Variants in STAM observed in about 807,000 individuals in gnomAD.
STAM encodes the protein signal transducing adaptor molecule.
Under a neutral mutation model 63.4 loss-of-function variants are expected in STAM, and 16 were observed. That is an observed-to-expected ratio of 0.25 (90% CI 0.17 to 0.38). STAM has a LOEUF of 0.38. STAM is among the 10% of genes least tolerant of loss of function. STAM has a pLI of 1.00. For synonymous variants in STAM, 238 were observed against 223.9 expected (o/e 1.06, Z -0.56); for missense variants, 636 against 657.1 (o/e 0.97, Z 0.35).
At chr10:17,672,019 T>G (rs527977276) in intron 2 of STAM, among the ~76,000 whole-genome samples, 1 of 152,328 alleles carries the variant, frequency 6.6e-6, no homozygotes, top group East Asian at 1.9e-4. Context: ...AAAAGTACTT[T>G]TCAACTGAGA....
chr10:17,703,217 TTTC>T (rs1836095647), intron 9 of STAM, among the ~76,000 whole-genome samples: 1 of 152,110 alleles, frequency 6.6e-6, no homozygotes, highest in Admixed American at 6.5e-5. Flanking sequence ...GTAGGCAAAC[TTTC>T]TTGACATGTG....
intron 2 of STAM, among the ~76,000 whole-genome samples, chr10:17,678,420 GT>G (rs1554824896): frequency 6.6e-6 from 1 of 151,908 alleles, no homozygotes; most frequent in Non-Finnish European, 1.5e-5. Flanking sequence ...GCCTGGCTAA[GT>G]TTTTGTATTT....
At chr10:17,682,583 GTTTAA>G in intron 2 of STAM, among the ~76,000 whole-genome samples, 1 of 152,090 alleles carries the variant, frequency 6.6e-6, no homozygotes. Flanking sequence ...TCAATTTGTA[GTTTAA>G]TTTTGTTATG....
At chr10:17,684,639 A>G (rs375321364) in intron 2 of STAM, 36 bp from the exon 3 acceptor site, 12 of 1,568,460 alleles carry the variant, frequency 7.7e-6, no homozygotes, top group South Asian at 2.3e-5. Context: ...AGCTAGATGT[A>G]TTATTAAGTA....
At chr10:17,649,507 A>T (rs1317544343) in intron 1 of STAM, among the ~76,000 whole-genome samples, 1 of 151,830 alleles carries the variant, frequency 6.6e-6, no homozygotes, top group African/African-American at 2.4e-5. Flanking sequence ...TTGATTGATT[A>T]TCTTTTGTGT....
intron 2 of STAM, among the ~76,000 whole-genome samples, chr10:17,661,755 T>C (rs1355178374): frequency 5.3e-5 from 8 of 152,230 alleles, no homozygotes; most frequent in Non-Finnish European, 1.2e-4. Flanking sequence ...GTTGACGTTT[T>C]AAAGTCTCCT....
intron 1 of STAM, among the ~76,000 whole-genome samples, chr10:17,647,667 A>T (rs186112910): frequency 1.1e-4 from 17 of 152,298 alleles, no homozygotes; most frequent in Non-Finnish European, 2.2e-4. Flanking sequence ...CTTATCTTTA[A>T]TATGGAATAT....
intron 13 of STAM, among the ~76,000 whole-genome samples, chr10:17,711,217 C>G (rs377551390): frequency 6.6e-6 from 1 of 152,180 alleles, no homozygotes; most frequent in Non-Finnish European, 1.5e-5. Context: ...GTTTTTCAGA[C>G]TTCTGTCATC....
chr10:17,644,444 G>A (rs1833440620), intron 1 of STAM, 65 bp downstream of exon 1: 1 of 1,600,156 alleles, frequency 6.2e-7, no homozygotes, highest in Admixed American at 1.7e-5. Context: ...GCCAGCCCCT[G>A]CCTGCATTCA....
intron 13 of STAM, 102 bp downstream of exon 13, chr10:17,709,053 G>T: frequency 1.4e-6 from 2 of 1,396,858 alleles, no homozygotes; most frequent in South Asian, 2.8e-5. Context: ...AATATCTGTG[G>T]TCAGCGTCAT....
chr10:17,658,530 T>G (rs1554822452), intron 1 of STAM, among the ~76,000 whole-genome samples: 2 of 152,176 alleles, frequency 1.3e-5, no homozygotes, highest in Non-Finnish European at 2.9e-5. Context: ...CATTTCTTCT[T>G]TTTTTGGTCT....
At position 17,707,699 on chromosome 10, in the gene STAM, C is replaced by T. The variant is rs1415731185; in HGVS notation, c.1210-1077C>T. 3.9e-5 allele frequency among the ~76,000 whole-genome samples: 6 copies of T among 151,974 alleles called. No homozygotes were observed. In the East Asian group the frequency reaches 1.2e-3, roughly 29 times the overall value. On this transcript the variant is annotated intron_variant, in intron 12 of 13. Coordinates refer to ENST00000377524, the MANE Select transcript of STAM (RefSeq NM_003473.4). Reference sequence around the variant, plus strand: ...GTATAGCTGTGTTTATAATGAAGACCCTTTGGATCCCTGTGTGGGTCTGTC... The same window carrying T: ...GTATAGCTGTGTTTATAATGAAGACTCTTTGGATCCCTGTGTGGGTCTGTC...
chr10:17,692,843 T>TA (rs1835598855), intron 5 of STAM, among the ~76,000 whole-genome samples: 1 of 152,150 alleles, frequency 6.6e-6, no homozygotes. Context: ...GTTTTTTTTT[T>TA]AACTATTTAT....
intron 1 of STAM, among the ~76,000 whole-genome samples, chr10:17,656,769 C>T (rs1008026434): frequency 1.3e-4 from 19 of 151,924 alleles, no homozygotes; most frequent in Non-Finnish European, 2.1e-4. Context: ...ATCTAAGGGG[C>T]GTAAGGCAGA....
At chr10:17,683,677 T>A (rs1835177388) in intron 2 of STAM, among the ~76,000 whole-genome samples, 1 of 152,206 alleles carries the variant, frequency 6.6e-6, no homozygotes, top group Non-Finnish European at 1.5e-5. Flanking sequence ...AATATATTTC[T>A]TCATCATTAT....
At chr10:17,700,441 C>T (rs1239250674) in intron 9 of STAM, among the ~76,000 whole-genome samples, 162 bp downstream of exon 9, 2 of 152,150 alleles carry the variant, frequency 1.3e-5, no homozygotes, top group Admixed American at 6.5e-5. Context: ...TTTTTTGAAA[C>T]TTCCTCTCCA....
intron 1 of STAM, among the ~76,000 whole-genome samples, 157 bp downstream of exon 1, chr10:17,644,536 G>C (rs1833444227): frequency 6.6e-6 from 1 of 152,162 alleles, no homozygotes; most frequent in Non-Finnish European, 1.5e-5. Context: ...AGGAGGTTGA[G>C]GGCTTGGCGC....
intron 13 of STAM, among the ~76,000 whole-genome samples, chr10:17,713,373 A>G (rs1187255119): frequency 6.6e-6 from 1 of 152,152 alleles, no homozygotes; most frequent in Non-Finnish European, 1.5e-5. Context: ...ACAGGACAGC[A>G]GGCTTGAATA....
intron 1 of STAM, among the ~76,000 whole-genome samples, chr10:17,657,196 T>A (rs7077101): frequency 0.62 from 93,786 of 151,958 alleles, 29,881 homozygotes; most frequent in African/African-American, 0.78. Context: ...CCTGCATTCA[T>A]TTAACACTTT....
Sources: gnomAD v4.1 joint callset for allele counts (sites outside exome capture counted in the v4.1 genomes callset) on GRCh38, gnomAD v4.1.1 for gene constraint, MANE v1.5 for transcripts, NCBI Gene and HGNC (gene_info 2026-07-23, HGNC 2026-07-21) for gene names.